The following TJP1 variants were observed in gnomAD, a reference collection of about 807,000 sequenced individuals.
TJP1 encodes tight junction protein ZO-1.
A neutral mutation model predicts 194.2 loss-of-function variants in TJP1; 43 were observed. That is an observed-to-expected ratio of 0.22 (90% CI 0.17 to 0.29). The LOEUF (loss-of-function observed/expected upper bound fraction) is 0.29. TJP1 is among the 10% of genes least tolerant of loss of function. The probability of loss-of-function intolerance (pLI) is 1.00; values close to 1 mark genes in which losing one functional copy is unlikely to be tolerated. For synonymous variants in TJP1, 801 were observed against 779.0 expected (o/e 1.03, Z -0.47); for missense variants, 1,971 against 2,185.7 (o/e 0.90, Z 1.96).
chr15:29,913,598 G>T (rs971957834), intron 2 of TJP1, among the ~76,000 whole-genome samples: 7 of 152,156 alleles, frequency 4.6e-5, no homozygotes, highest in South Asian at 2.1e-4. Context: ...AGTTAAGTTT[G>T]CAGTGAGCAG....
chr15:29,712,003 C>A (rs531674617), intron 23 of TJP1, among the ~76,000 whole-genome samples: 1 of 152,136 alleles, frequency 6.6e-6, no homozygotes, highest in African/African-American at 2.4e-5. Flanking sequence ...TCATTTAAGT[C>A]AAATTGTGCC....
intron 2 of TJP1, among the ~76,000 whole-genome samples, chr15:29,901,987 A>T (rs923711485): frequency 2.0e-5 from 3 of 152,186 alleles, no homozygotes; most frequent in Non-Finnish European, 2.9e-5. Context: ...AAATAAAAGG[A>T]CTACAAACAT....
intron 2 of TJP1, among the ~76,000 whole-genome samples, chr15:29,896,908 G>A (rs1794937403): frequency 6.6e-6 from 1 of 152,102 alleles, no homozygotes. Flanking sequence ...TGCTGTTAAA[G>A]GCATTCAGTT....
chr15:29,720,561 T>G lies in TJP1; in HGVS notation c.2560A>C (p.Thr854Pro). 6.2e-7 allele frequency: 1 copy of G among 1,614,120 alleles called. No individual in the cohort carries two copies. The highest frequency in any genetic ancestry group is 8.5e-7 in the Non-Finnish European group (1 of 1,180,018). ...AGAGTTTCATCTAGTTCTTGATCAGTGTAGGCCCCGCCTTCTGTGTCTGTG... is the reference window on the plus strand; with the variant it reads ...AGAGTTTCATCTAGTTCTTGATCAGGGTAGGCCCCGCCTTCTGTGTCTGTG... Reference protein sequence around the residue: ...EDTDTEGGAYTDQELDETLND... With the variant: ...EDTDTEGGAYPDQELDETLND... The change falls in exon 19 of 28, where the codon ACT becomes CCT. Residue 854 changes from threonine to proline, a missense_variant. Thr to Pro is a conservative substitution (Grantham distance 38, BLOSUM62 -1). Around this residue, in one of 5 missense-constraint regions of TJP1, gnomAD observed 1,108 missense variants for 1,128.5 expected, o/e 0.98. Coordinates refer to ENST00000614355, the MANE Select transcript of TJP1 (RefSeq NM_001330239.4).
intron 1 of TJP1, among the ~76,000 whole-genome samples, chr15:29,802,329 C>T (rs139668082): frequency 6.6e-6 from 1 of 152,230 alleles, no homozygotes; most frequent in African/African-American, 2.4e-5. Flanking sequence ...TCCTTTCCCA[C>T]AGCGACTTTA....
At chr15:29,876,206 T>C (rs1279328955) in intron 2 of TJP1, among the ~76,000 whole-genome samples, 1 of 152,122 alleles carries the variant, frequency 6.6e-6, no homozygotes, top group Non-Finnish European at 1.5e-5. Flanking sequence ...CAACACAAAT[T>C]CGTAAACTTG....
chr15:29,929,145 C>T (rs1453216771), intron 2 of TJP1, among the ~76,000 whole-genome samples: 1 of 151,752 alleles, frequency 6.6e-6, no homozygotes, highest in Non-Finnish European at 1.5e-5. Context: ...CTTTATCATA[C>T]AATTTACATT....
chr15:29,840,587 C>G (rs976995466), intron 2 of TJP1, among the ~76,000 whole-genome samples: 18 of 152,076 alleles, frequency 1.2e-4, no homozygotes, highest in Non-Finnish European at 2.5e-4. Context: ...TTCTCCCTAC[C>G]CCATCCCCGC....
Position 29,708,665 on chromosome 15 carries a change from G to C in TJP1, c.4744C>G (p.Gln1582Glu). 2 of 1,614,256 alleles carry C rather than the reference G, an allele frequency of 1.2e-6. No homozygotes were observed. Among genetic ancestry groups the C allele is most frequent in the Non-Finnish European group, 1.7e-6 (2 of 1,180,046 alleles). ...KTLVKSHSLA[Q>E]PPEFDSGVET... is the part of the protein sequence containing the mutation. ...ACTCCACTGTCAAACTCAGGAGGCT[G>C]TGCCAAACTGTGCGATTTCACAAGA... The change falls in exon 25 of 28, where the codon CAG becomes GAG. Residue 1582 changes from glutamine (Q) to glutamate (E), a missense_variant. This residue lies in a region of TJP1 where 1,108 missense variants were observed against 1,128.5 expected (regional missense o/e 0.98). Coordinates refer to ENST00000614355, the MANE Select transcript of TJP1 (RefSeq NM_001330239.4).
At chr15:29,779,475 T>C (rs887031701) in intron 2 of TJP1, among the ~76,000 whole-genome samples, 1 of 152,206 alleles carries the variant, frequency 6.6e-6, no homozygotes, top group African/African-American at 2.4e-5. Context: ...CATCTCCTCA[T>C]TTGGCAGTCT....
At chr15:29,737,978 T>C (rs755510751) in intron 10 of TJP1, among the ~76,000 whole-genome samples, 90 of 152,166 alleles carry the variant, frequency 5.9e-4, no homozygotes, top group Non-Finnish European at 8.4e-4. Flanking sequence ...GCTGCCCCTC[T>C]GAGTTTTACA....
intron 2 of TJP1, among the ~76,000 whole-genome samples, chr15:29,829,926 A>C (rs1249902448): frequency 6.6e-6 from 1 of 152,086 alleles, no homozygotes; most frequent in Non-Finnish European, 1.5e-5. Context: ...TTTAGAGGAG[A>C]CAGAGGGCAG....
At chr15:29,912,777 A>G (rs1298760159) in intron 2 of TJP1, among the ~76,000 whole-genome samples, 2 of 148,216 alleles carry the variant, frequency 1.3e-5, no homozygotes, top group Non-Finnish European at 3.0e-5. Context: ...CTGAATTTTG[A>G]TTGTGGTGGT....
At chr15:29,709,282 C>T (rs1164062243) in intron 24 of TJP1, among the ~76,000 whole-genome samples, 4 of 152,002 alleles carry the variant, frequency 2.6e-5, no homozygotes. Context: ...TTCCTGGCCT[C>T]CAAAGATTGG....
intron 8 of TJP1, among the ~76,000 whole-genome samples, chr15:29,751,309 AC>A (rs1277607001): frequency 3.9e-5 from 6 of 152,360 alleles, no homozygotes; most frequent in African/African-American, 1.4e-4. Context: ...TCTGTCCTTT[AC>A]ATGTAATCTG....
chr15:29,718,456 G>A lies in TJP1; in HGVS notation c.3686C>T (p.Ser1229Leu). Residue 1229 changes from serine to leucine, a missense_variant, in exon 21 of 28, where the codon TCA becomes TTA. Ser to Leu is a moderately radical substitution (Grantham distance 145, BLOSUM62 -2). Transcript: ENST00000614355. ...CAGAGCTTCTGGCTTATGCTGAGAT[G>A]AAGGTATCAGCGGAGGGACAGCTGC... The part of the protein sequence containing the change: ...GAAAVPPLIP[S>L]SQHKPEALPS... 6.2e-7 allele frequency: 1 copy of A among 1,614,182 alleles called. No individual in the cohort carries two copies. The highest frequency in any genetic ancestry group is 8.5e-7 in the Non-Finnish European group (1 of 1,180,040).
At chr15:29,961,365 G>A (rs1481741748) in intron 1 of TJP1, among the ~76,000 whole-genome samples, 2 of 101,524 alleles carry the variant, frequency 2.0e-5, no homozygotes, top group Non-Finnish European at 3.6e-5. Flanking sequence ...TTTTTGAGAC[G>A]GAGTCTCGCT....
chr15:29,874,959 G>A (rs1441627175), intron 2 of TJP1, among the ~76,000 whole-genome samples: 1 of 152,192 alleles, frequency 6.6e-6, no homozygotes, highest in Non-Finnish European at 1.5e-5. Context: ...AAGGGTATTA[G>A]ATTTTCATTC....
intron 1 of TJP1, among the ~76,000 whole-genome samples, chr15:29,809,130 G>A (rs899844296): frequency 6.6e-6 from 1 of 152,140 alleles, no homozygotes; most frequent in Admixed American, 6.5e-5. Flanking sequence ...AAATATACAT[G>A]CAACAGTATT....
Sources: allele counts gnomAD v4.1 joint callset (sites outside exome capture counted in the v4.1 genomes callset), GRCh38; gene constraint gnomAD v4.1.1; regional missense constraint gnomAD v4.1.1; transcripts MANE v1.5; gene names NCBI Gene and HGNC (gene_info 2026-07-23, HGNC 2026-07-21).